TSPAN3: variants seen among roughly 807,000 people sequenced by gnomAD.
TSPAN3 encodes tetraspanin 3, also known as tetraspanin-3.
A neutral mutation model predicts 31.1 loss-of-function variants in TSPAN3; 9 were observed. That is an observed-to-expected ratio of 0.29 (90% confidence interval 0.17 to 0.50). The LOEUF is 0.50. TSPAN3 is among the 20% of genes least tolerant of loss of function. The pLI is 0.98. For missense variants in TSPAN3, 252 were observed against 313.5 expected (o/e 0.80, Z 1.48); for synonymous variants, 129 against 114.3 (o/e 1.13, Z -0.82).
chr15:77,060,926 ATTCT>A (rs1333660533), intron 1 of TSPAN3, among the ~76,000 whole-genome samples: 1 of 152,138 alleles, frequency 6.6e-6, no homozygotes, highest in Non-Finnish European at 1.5e-5. Context: ...AAAAACCATT[ATTCT>A]TTATCTTTTA....
rs566468891 is a variant in TSPAN3, at chr15:77,062,952, G to A, written c.64-6697C>T. Among the ~76,000 whole-genome samples the A allele has an allele frequency of 4.6e-5, 7 of 152,270 alleles. 1 individual carries two copies. Among genetic ancestry groups the A allele is most frequent in the African/African-American group, 1.7e-4 (7 of 41,558 alleles). ...TGTTGATATTGGTTGTCTCTGGGTG[G>A]TAGAATTATGGGTGATACCAGTTTG... On this transcript the variant is annotated intron_variant, in intron 1 of 6. Coordinates refer to ENST00000267970, the MANE Select transcript of TSPAN3 (RefSeq NM_005724.6).
chr15:77,052,360 GA>G (rs1252286108), intron 6 of TSPAN3, 24 bp downstream of exon 6: 2 of 1,609,152 alleles, frequency 1.2e-6, no homozygotes, highest in Admixed American at 1.7e-5. Flanking sequence ...CACTCCGATA[GA>G]ACTCCTTGGC....
intron 1 of TSPAN3, among the ~76,000 whole-genome samples, chr15:77,060,723 G>C (rs2076795660): frequency 6.6e-6 from 1 of 152,064 alleles, no homozygotes; most frequent in Admixed American, 6.6e-5. Context: ...GGAGGGAGGT[G>C]CAACAGAAAA....
intron 1 of TSPAN3, among the ~76,000 whole-genome samples, chr15:77,058,768 G>A (rs958256764): frequency 3.3e-5 from 5 of 152,114 alleles, no homozygotes; most frequent in Non-Finnish European, 7.4e-5. Flanking sequence ...TTGTATTTGC[G>A]TTGGTTTGTA....
chr15:77,058,867 T>A (rs2076783800), intron 1 of TSPAN3, among the ~76,000 whole-genome samples: 1 of 152,242 alleles, frequency 6.6e-6, no homozygotes, highest in African/African-American at 2.4e-5. Flanking sequence ...TGAATCCAGC[T>A]TGCTGAATTC....
chr15:77,067,038 AAACCCATT>A (rs1288774646), intron 1 of TSPAN3, among the ~76,000 whole-genome samples: 1 of 151,850 alleles, frequency 6.6e-6, no homozygotes, highest in Non-Finnish European at 1.5e-5. Context: ...ATTCCCATGA[AAACCCATT>A]AATCCATTAA....
At chr15:77,054,546 A>G (rs1298096789) in intron 3 of TSPAN3, 2 of 233,602 alleles carry the variant, frequency 8.6e-6, no homozygotes, top group African/African-American at 4.5e-5. Flanking sequence ...CAGGCTAACA[A>G]TGTATTCAAA....
At chr15:77,052,264 T>A in intron 6 of TSPAN3, 121 bp downstream of exon 6, 2 of 813,164 alleles carry the variant, frequency 2.5e-6, no homozygotes, top group South Asian at 3.2e-5. Flanking sequence ...GGCCAGTACC[T>A]CAGTCACTTC....
At chr15:77,047,445 T>C (rs1392005697) in intron 6 of TSPAN3, among the ~76,000 whole-genome samples, 1 of 152,208 alleles carries the variant, frequency 6.6e-6, no homozygotes, top group Non-Finnish European at 1.5e-5. Flanking sequence ...GTCTTTTGGT[T>C]TTTGGAAAAC....
At position 77,042,954 on chromosome 15, in the gene TSPAN3, C is replaced by T. The variant is rs2076668181; in HGVS notation, c.*3881G>A. 6.6e-6 allele frequency: 1 copy of T among 152,284 alleles called. No individual in the cohort carries two copies. Among genetic ancestry groups the T allele is most frequent in the South Asian group, 2.1e-4 (1 of 4,826 alleles). The allele number at this position is 152,284 out of a possible 1,614,324, so 9.4% of individuals were successfully genotyped here. ...CCTGACCTTGCCCTTCCTTGTCACACTGAAGAGGGGGCTCTGAAAACTCCT... is the reference window on the plus strand; with the variant it reads ...CCTGACCTTGCCCTTCCTTGTCACATTGAAGAGGGGGCTCTGAAAACTCCT... On this transcript the variant is annotated 3_prime_UTR_variant, in exon 7 of 7. Transcript: ENST00000267970.
At chr15:77,059,587 A>C (rs1174977375) in intron 1 of TSPAN3, among the ~76,000 whole-genome samples, 1 of 152,140 alleles carries the variant, frequency 6.6e-6, no homozygotes, top group Non-Finnish European at 1.5e-5. Context: ...AAATTTTGTC[A>C]TTTGTTTTTA....
At chr15:77,069,162 C>T (rs2076851356) in intron 1 of TSPAN3, among the ~76,000 whole-genome samples, 1 of 152,146 alleles carries the variant, frequency 6.6e-6, no homozygotes, top group East Asian at 1.9e-4. Flanking sequence ...CCGTTTTGTG[C>T]TCTTGGGCCA....
At position 77,052,226 on chromosome 15, in the gene TSPAN3, C is replaced by A. The variant is rs142355360; in HGVS notation, c.669+159G>T. 5.0e-4 allele frequency among the ~76,000 whole-genome samples: 76 copies of A among 152,296 alleles called. 1 individual carries two copies. In the Middle Eastern group the frequency reaches 0.017, roughly 34 times the overall value. On this transcript the variant is annotated intron_variant, in intron 6 of 6. Coordinates refer to ENST00000267970, the MANE Select transcript of TSPAN3 (RefSeq NM_005724.6). ...ACCATTCCGGGTCTAGGTGTATAGA[C>A]AAGAAATGGAAAACATGGGAAACTG... is the stretch of plus-strand genomic sequence containing the variant.
rs1362461633 is a variant in TSPAN3, at chr15:77,046,497, AT to A, written c.*337del. 4.7e-6 allele frequency: 2 copies of A among 422,898 alleles called. No individual in the cohort carries two copies. The highest frequency in any genetic ancestry group is 4.1e-5 in the African/African-American group (2 of 49,284). 26.2% of individuals were successfully genotyped at this position (422,898 alleles called of 1,614,324 possible). A position where few individuals can be genotyped will look rare whatever the true frequency, so the allele number is the denominator to read the frequency against. ...GTGAAGACTGAAAGGACCTGGTGACATTTCGGCATCAGTCCTGTTACCACTT... is the reference window on the plus strand; with the variant it reads ...GTGAAGACTGAAAGGACCTGGTGACATTCGGCATCAGTCCTGTTACCACTT... On this transcript the variant is annotated 3_prime_UTR_variant, in exon 7 of 7. Transcript: ENST00000267970.
At chr15:77,069,180 C>G (rs2076851516) in intron 1 of TSPAN3, among the ~76,000 whole-genome samples, 1 of 152,166 alleles carries the variant, frequency 6.6e-6, no homozygotes, top group Non-Finnish European at 1.5e-5. Context: ...CCAGAGATTG[C>G]TGACTCCTGG....
rs1568534795 is a variant in TSPAN3 at position 77,041,974 on chromosome 15, C to G, written c.*4861G>C. On this transcript the variant is annotated 3_prime_UTR_variant, in exon 7 of 7. Coordinates refer to ENST00000267970, the MANE Select transcript of TSPAN3 (RefSeq NM_005724.6). ...CGAGTAGTGGAGGCACTGGAGGCAG[C>G]CTGCAGGCCTGCCCTTTATACACCT... 1 of 152,178 alleles carries G rather than the reference C, an allele frequency of 6.6e-6. No homozygotes were observed. The highest frequency in any genetic ancestry group is 1.5e-5 in the Non-Finnish European group (1 of 68,036). 9.4% of individuals were successfully genotyped at this position (152,178 alleles called of 1,614,324 possible).
intron 6 of TSPAN3, 142 bp from the exon 7 acceptor site, chr15:77,047,069 A>C (rs2076697628): frequency 1.7e-6 from 1 of 601,266 alleles, no homozygotes. Context: ...TGATAGAAGG[A>C]ATTTCTTATG....
chr15:77,069,468 T>C (rs962384064), intron 1 of TSPAN3, among the ~76,000 whole-genome samples: 2 of 152,066 alleles, frequency 1.3e-5, no homozygotes, highest in Non-Finnish European at 2.9e-5. Flanking sequence ...AATAAATAAA[T>C]AAGCCTGTAA....
intron 4 of TSPAN3, 120 bp downstream of exon 4, chr15:77,054,058 A>C: frequency 1.6e-6 from 1 of 637,062 alleles, no homozygotes; most frequent in Non-Finnish European, 2.7e-6. Flanking sequence ...AATATTGGTC[A>C]CATCAGGATA....
Sources: gnomAD v4.1 joint callset for allele counts (sites outside exome capture counted in the v4.1 genomes callset) on GRCh38, gnomAD v4.1.1 for gene constraint, MANE v1.5 for transcripts, NCBI Gene and HGNC (gene_info 2026-07-23, HGNC 2026-07-21) for gene names.